Variants in PHC2 observed in about 807,000 individuals in gnomAD.
PHC2 encodes the protein polyhomeotic homolog 2.
In PHC2, 29 loss-of-function variants were observed where a neutral mutation model predicts 87.4. That is an observed-to-expected ratio of 0.33 (90% CI 0.25 to 0.45). The LOEUF is 0.45. PHC2 is among the 20% of genes least tolerant of loss of function. The pLI, the probability that PHC2 is intolerant of heterozygous loss-of-function variation, is 1.00. For synonymous variants in PHC2, 438 were observed against 461.7 expected, an observed-to-expected ratio of 0.95 and a Z score of 0.66; for missense variants, 857 against 1,136.7, an observed-to-expected ratio of 0.75 and a Z score of 3.54.
At chr1:33,360,170 C>T (rs1356464897) in intron 7 of PHC2, among the ~76,000 whole-genome samples, 1 of 152,210 alleles carries the variant, frequency 6.6e-6, no homozygotes. Context: ...GGAAGTTTAC[C>T]TGTAAGAAAC....
intron 1 of PHC2, among the ~76,000 whole-genome samples, chr1:33,425,273 T>C (rs182583739): frequency 6.6e-6 from 1 of 152,302 alleles, no homozygotes; most frequent in Admixed American, 6.5e-5. Flanking sequence ...CAAGCAGTCT[T>C]GGACATATAC....
intron 7 of PHC2, among the ~76,000 whole-genome samples, chr1:33,356,305 A>AT (rs1647085137): frequency 7.1e-6 from 1 of 141,268 alleles, no homozygotes; most frequent in African/African-American, 2.6e-5. Context: ...TTATTTATTT[A>AT]GTATTTATTG....
intron 7 of PHC2, among the ~76,000 whole-genome samples, chr1:33,365,135 G>T (rs763745215): frequency 3.9e-5 from 6 of 152,174 alleles, no homozygotes; most frequent in Non-Finnish European, 8.8e-5. Context: ...GTGCGTGACG[G>T]ATGTGGTAAG....
chr1:33,402,652 A>G (rs1557845560), intron 1 of PHC2, among the ~76,000 whole-genome samples: 1 of 152,230 alleles, frequency 6.6e-6, no homozygotes, highest in African/African-American at 2.4e-5. Flanking sequence ...ATCAACACAG[A>G]CAAATCTCAA....
intron 1 of PHC2, among the ~76,000 whole-genome samples, chr1:33,414,218 C>G (rs918190360): frequency 6.8e-6 from 1 of 147,516 alleles, no homozygotes; most frequent in Non-Finnish European, 1.5e-5. Flanking sequence ...CACACACACA[C>G]AAGAAAGGTT....
intron 7 of PHC2, 106 bp from the exon 8 acceptor site, chr1:33,355,359 C>A: frequency 1.0e-6 from 1 of 979,612 alleles, no homozygotes; most frequent in Non-Finnish European, 1.5e-6. Context: ...TTCCCAAATT[C>A]AATGTCTCTT....
chr1:33,429,553 GAC>G (rs1650815498), intron 1 of PHC2, among the ~76,000 whole-genome samples: 1 of 152,230 alleles, frequency 6.6e-6, no homozygotes, highest in African/African-American at 2.4e-5. Context: ...GGTCCTCTCA[GAC>G]AGCTAATTGT....
chr1:33,335,595 A>G (rs970343393), intron 9 of PHC2, among the ~76,000 whole-genome samples: 7 of 152,224 alleles, frequency 4.6e-5, no homozygotes, highest in African/African-American at 2.4e-5. Flanking sequence ...GTCAAAACAG[A>G]CACGTTTGAG....
intron 13 of PHC2, among the ~76,000 whole-genome samples, 194 bp downstream of exon 13, chr1:33,329,877 T>C (rs1306716889): frequency 2.0e-5 from 3 of 152,164 alleles, no homozygotes; most frequent in Non-Finnish European, 4.4e-5. Flanking sequence ...GCAGGGAACC[T>C]TGTAAGCACC....
At chr1:33,361,221 C>A (rs908573644) in intron 7 of PHC2, among the ~76,000 whole-genome samples, 2 of 152,162 alleles carry the variant, frequency 1.3e-5, no homozygotes, top group African/African-American at 4.8e-5. Flanking sequence ...GGGGGAGGGT[C>A]TTTAAGGTCC....
At chr1:33,423,394 C>T (rs564611018) in intron 1 of PHC2, among the ~76,000 whole-genome samples, 2 of 152,112 alleles carry the variant, frequency 1.3e-5, no homozygotes, top group African/African-American at 4.8e-5. Flanking sequence ...AGACCTGAAA[C>T]CATCCATCCC....
chr1:33,425,286 C>T (rs1000527714), intron 1 of PHC2, among the ~76,000 whole-genome samples: 3 of 152,162 alleles, frequency 2.0e-5, no homozygotes, highest in African/African-American at 7.2e-5. Flanking sequence ...ACATATACAA[C>T]GTTTCTTTAC....
At chr1:33,326,700 T>C (rs1646378722) in intron 14 of PHC2, among the ~76,000 whole-genome samples, 1 of 152,206 alleles carries the variant, frequency 6.6e-6, no homozygotes, top group African/African-American at 2.4e-5. Flanking sequence ...ACGCCTATAA[T>C]CCCAGCACTT....
chr1:33,363,127 A>ATT (rs1647245602), intron 7 of PHC2: 1 of 152,248 alleles, frequency 6.6e-6, no homozygotes, highest in African/African-American at 2.4e-5. Context: ...GGGAAAGAAG[A>ATT]AACGTCCAGC....
At position 33,353,821 on chromosome 1, in the gene PHC2, C is replaced by T. The variant is rs537679090; in HGVS notation, c.1558+580G>A. Among the ~76,000 whole-genome samples, 9 of 152,266 alleles carry T rather than the reference C, an allele frequency of 5.9e-5. No homozygotes were observed. In the East Asian group the frequency reaches 7.7e-4, roughly 13 times the overall value. On this transcript the variant is annotated intron_variant, in intron 9 of 14. Coordinates refer to ENST00000683057, the MANE Select transcript of PHC2 (RefSeq NM_001385109.1). ...GAGGTACTGCTGTGCCTCTCCCATCCGGGTGAAGGGACCCAGCAGAGTCTC... is the reference window on the plus strand; with the variant it reads ...GAGGTACTGCTGTGCCTCTCCCATCTGGGTGAAGGGACCCAGCAGAGTCTC...
chr1:33,375,887 A>G (rs1648151667), intron 1 of PHC2, among the ~76,000 whole-genome samples: 1 of 152,200 alleles, frequency 6.6e-6, no homozygotes, highest in South Asian at 2.1e-4. Context: ...TTATATGCAA[A>G]TGTTATGCTA....
At chr1:33,355,292 CCTT>C (rs754362199) in intron 7 of PHC2, 39 bp from the exon 8 acceptor site, 22 of 1,505,742 alleles carry the variant, frequency 1.5e-5, no homozygotes, top group African/African-American at 2.8e-5. Flanking sequence ...CATGGCTTGA[CCTT>C]CTCTTCTGCT....
At chr1:33,405,700 G>T (rs1286508993) in intron 1 of PHC2, among the ~76,000 whole-genome samples, 1 of 152,012 alleles carries the variant, frequency 6.6e-6, no homozygotes, top group Non-Finnish European at 1.5e-5. Flanking sequence ...TTACTGAAAA[G>T]TTTATATATA....
intron 7 of PHC2, chr1:33,363,022 A>G (rs749506746): frequency 1.3e-5 from 2 of 152,228 alleles, no homozygotes; most frequent in African/African-American, 2.4e-5. Context: ...TTAGTGCAGT[A>G]TGTGGAACAT....
Sources: allele counts gnomAD v4.1 joint callset (sites outside exome capture counted in the v4.1 genomes callset), GRCh38; gene constraint gnomAD v4.1.1; transcripts MANE v1.5; gene names NCBI Gene and HGNC (gene_info 2026-07-23, HGNC 2026-07-21).